METTL15: variants seen among roughly 807,000 people sequenced by gnomAD.
METTL15 encodes methyltransferase 15, mitochondrial 12S rRNA N4-cytidine.
Under a neutral mutation model 38.3 loss-of-function variants are expected in METTL15, and 34 were observed. The observed-to-expected ratio is 0.89, with a 90% CI of 0.68 to 1.18. The LOEUF (loss-of-function observed/expected upper bound fraction) is 1.18. Ranked by LOEUF, METTL15 falls within the 50% of genes most tolerant of loss-of-function variation. The probability of loss-of-function intolerance (pLI) is 0.00; values close to 1 mark genes in which losing one functional copy is unlikely to be tolerated. For missense variants in METTL15, 438 were observed against 498.4 expected, an observed-to-expected ratio of 0.88 and a Z score of 1.15; for synonymous variants, 162 against 170.9, an observed-to-expected ratio of 0.95 and a Z score of 0.41.
Position 28,324,118 on chromosome 11 carries a change from A to G in METTL15, c.779-6278A>G, listed in dbSNP as rs1485179358. 2.0e-5 allele frequency among the ~76,000 whole-genome samples: 3 copies of G among 152,218 alleles called. No individual in the cohort carries two copies. In the East Asian group the frequency reaches 5.8e-4, roughly 29 times the overall value. ...CCTTTTGTAGTCAGTTTTACTAACA[A>G]ATTTTTCTATTTTAAAGTATAAGGA... On this transcript the variant is annotated intron_variant, in intron 6 of 6. Coordinates refer to ENST00000407364, the MANE Select transcript of METTL15 (RefSeq NM_001113528.2).
intron 5 of METTL15, among the ~76,000 whole-genome samples, chr11:28,292,106 A>T (rs1250627852): frequency 2.0e-5 from 3 of 151,688 alleles, no homozygotes; most frequent in Non-Finnish European, 4.4e-5. Context: ...TGTGCACAAC[A>T]TGCAGGTTAG....
intron 5 of METTL15, among the ~76,000 whole-genome samples, chr11:28,387,422 C>G (rs1371769323): frequency 1.3e-5 from 2 of 151,706 alleles, no homozygotes; most frequent in Admixed American, 1.3e-4. Context: ...AATAATTGTA[C>G]ATTAAAAACT....
chr11:28,204,947 C>A lies in METTL15; in HGVS notation c.271-6115C>A, dbSNP rs192550236. 1.9e-3 allele frequency among the ~76,000 whole-genome samples: 289 copies of A among 151,876 alleles called. 1 individual carries two copies. Among genetic ancestry groups the A allele is most frequent in the African/African-American group, 6.8e-3 (282 of 41,448 alleles). On this transcript the variant is annotated intron_variant, in intron 3 of 6. Transcript: ENST00000407364. ...TATATCAGGTAATTTCAAAGAAGTT[C>A]CATGTGTCTTTGGAGCACAAAATAT... is the stretch of plus-strand genomic sequence containing the variant.
intron 5 of METTL15, among the ~76,000 whole-genome samples, chr11:28,409,653 A>G (rs1850708284): frequency 6.6e-6 from 1 of 152,024 alleles, no homozygotes; most frequent in Non-Finnish European, 1.5e-5. Context: ...AGTTTATAGC[A>G]ATACACTCCT....
intron 6 of METTL15, among the ~76,000 whole-genome samples, chr11:28,314,596 A>T (rs1005259488): frequency 6.6e-6 from 1 of 152,222 alleles, no homozygotes; most frequent in Non-Finnish European, 1.5e-5. Flanking sequence ...CAGTAATTAA[A>T]TATAAAGGTG....
At position 28,439,584 on chromosome 11, in the gene METTL15, C is replaced by G. The variant is rs1184338964; in HGVS notation, c.*424+15220C>G. 2.6e-5 allele frequency among the ~76,000 whole-genome samples: 4 copies of G among 152,104 alleles called. 1 individual carries two copies. Among genetic ancestry groups the G allele is most frequent in the African/African-American group, 9.7e-5 (4 of 41,402 alleles). On this transcript the variant is annotated intron_variant and NMD_transcript_variant, in intron 6 of 7. Coordinates refer to the METTL15 transcript ENST00000532947. ...TCTATATTTGTCTTCCCTCATTATC[C>G]CTGTGGGTGGGCCCAATGCGGGGTG...
At chr11:28,379,107 C>CT (rs1003452557) in intron 5 of METTL15, among the ~76,000 whole-genome samples, 2 of 151,688 alleles carry the variant, frequency 1.3e-5, no homozygotes, top group East Asian at 1.9e-4. Context: ...TTGGTGTACT[C>CT]TTTTTTTTCC....
At chr11:28,184,920 A>G (rs2133791183) in intron 3 of METTL15, among the ~76,000 whole-genome samples, 1 of 151,686 alleles carries the variant, frequency 6.6e-6, no homozygotes, top group African/African-American at 2.4e-5. Context: ...GATCATTGAG[A>G]ATGGTCTGAT....
intron 6 of METTL15, among the ~76,000 whole-genome samples, chr11:28,306,974 G>A (rs1157875373): frequency 1.3e-5 from 2 of 151,778 alleles, no homozygotes; most frequent in African/African-American, 2.4e-5. Flanking sequence ...ATAGGAATTT[G>A]TTAACTTTTA....
At chr11:28,110,536 C>T (rs931440178) in intron 2 of METTL15, 135 bp downstream of exon 2, 1 of 152,286 alleles carries the variant, frequency 6.6e-6, no homozygotes, top group African/African-American at 2.4e-5. Context: ...CTCTTCAACA[C>T]GCCTTCAACC....
intron 4 of METTL15, among the ~76,000 whole-genome samples, chr11:28,275,521 A>G (rs944008672): frequency 6.6e-6 from 1 of 151,918 alleles, no homozygotes; most frequent in Non-Finnish European, 1.5e-5. Flanking sequence ...AATTCTGCCA[A>G]TGCAAAGAAG....
At chr11:28,410,302 TAGAC>T (rs1695782885) in intron 5 of METTL15, among the ~76,000 whole-genome samples, 1 of 152,102 alleles carries the variant, frequency 6.6e-6, no homozygotes, top group Non-Finnish European at 1.5e-5. Context: ...ATACCTAAGC[TAGAC>T]AGACATTGCA....
At chr11:28,113,638 G>A (rs753402474) in intron 3 of METTL15, 34 bp downstream of exon 3, 1 of 1,593,320 alleles carries the variant, frequency 6.3e-7, no homozygotes, top group Non-Finnish European at 8.5e-7. Flanking sequence ...GCAAGTTTTT[G>A]TTGAGATAAA....
At chr11:28,255,737 C>T (rs1854946004) in intron 4 of METTL15, among the ~76,000 whole-genome samples, 1 of 152,098 alleles carries the variant, frequency 6.6e-6, no homozygotes, top group Non-Finnish European at 1.5e-5. Context: ...GAGTTTCGCT[C>T]TTGTTGCCCA....
At chr11:28,465,402 A>G (rs1168880421) in intron 6 of METTL15, among the ~76,000 whole-genome samples, 1 of 151,898 alleles carries the variant, frequency 6.6e-6, no homozygotes, top group Non-Finnish European at 1.5e-5. Context: ...TATTTCTTCA[A>G]TTGACTTCCA....
intron 5 of METTL15, among the ~76,000 whole-genome samples, chr11:28,374,663 C>T (rs945867541): frequency 3.3e-5 from 5 of 149,744 alleles, no homozygotes; most frequent in Admixed American, 2.7e-4. Context: ...TTATTTCCTT[C>T]TCCTGCCTAA....
At chr11:28,226,658 T>C (rs1003603101) in intron 4 of METTL15, among the ~76,000 whole-genome samples, 14 of 151,962 alleles carry the variant, frequency 9.2e-5, no homozygotes, top group African/African-American at 3.4e-4. Context: ...GTATTCCTTC[T>C]ACACCACTAC....
chr11:28,291,437 G>A (rs912201427), intron 5 of METTL15, among the ~76,000 whole-genome samples: 2 of 152,130 alleles, frequency 1.3e-5, no homozygotes, highest in Admixed American at 6.6e-5. Context: ...GGAATGGACA[G>A]CCTATACCTG....
chr11:28,374,939 A>G (rs868829739), intron 5 of METTL15, among the ~76,000 whole-genome samples: 3 of 151,468 alleles, frequency 2.0e-5, no homozygotes, highest in South Asian at 2.1e-4. Flanking sequence ...GGTTTTTGTC[A>G]TTGGTTCTGT....
Sources: gnomAD v4.1 joint callset for allele counts (sites outside exome capture counted in the v4.1 genomes callset) on GRCh38, gnomAD v4.1.1 for gene constraint, MANE v1.5 for transcripts, NCBI Gene and HGNC (gene_info 2026-07-23, HGNC 2026-07-21) for gene names.